RTL10: variants seen among roughly 807,000 people sequenced by gnomAD.
RTL10 encodes retrotransposon Gag like 10.
For missense variants in RTL10, 477 were observed against 470.7 expected (o/e 1.01, Z -0.12); for synonymous variants, 199 against 188.4 (o/e 1.06, Z -0.46).
Position 19,850,514 on chromosome 22 carries a change from G to A in RTL10, c.*653C>T. The A allele has an allele frequency of 1.9e-6, 2 of 1,060,340 alleles. No homozygotes were observed. The highest frequency in any genetic ancestry group is 2.3e-6 in the Non-Finnish European group (2 of 878,804). 65.7% of individuals were successfully genotyped at this position (1,060,340 alleles called of 1,614,324 possible). A position where few individuals can be genotyped will look rare whatever the true frequency, so the allele number is the denominator to read the frequency against. On this transcript the variant is annotated 3_prime_UTR_variant, in exon 3 of 3. Coordinates refer to ENST00000328554, the MANE Select transcript of RTL10 (RefSeq NM_024627.6). ...GGGCGAATGCCTGCAGCTGAGCCTG[G>A]CAAGGGGCTTGCATCCCACCTTCCT...
chr22:19,852,318 G>A lies in RTL10; in HGVS notation c.-57C>T, dbSNP rs1381944405. 2.6e-6 allele frequency: 4 copies of A among 1,541,328 alleles called. No homozygotes were observed. The highest frequency in any genetic ancestry group is 1.8e-5 in the Admixed American group (1 of 54,752). On this transcript the variant is annotated 5_prime_UTR_variant, in exon 3 of 3. Coordinates refer to ENST00000328554, the MANE Select transcript of RTL10 (RefSeq NM_024627.6). ...CAGCACTGGTGGGTGGTGGGGGTGT[G>A]GACAGATGTGGCTTGCACGACACAA...
In RTL10 at chr22:19,851,459, T is replaced by C. The variant is rs767842472; in HGVS notation, c.803A>G (p.Lys268Arg). 1.2e-6 allele frequency: 2 copies of C among 1,614,058 alleles called. No homozygotes were observed. The highest frequency in any genetic ancestry group is 1.7e-6 in the Non-Finnish European group (2 of 1,180,002). ...QLTKESTPGPKEPPVLPSSTC... is the reference protein window; with the variant it reads ...QLTKESTPGPREPPVLPSSTC... ...AGAACTGGGCAGGACTGGGGGCTCC[T>C]TGGGCCCAGGGGTGCTCTCCTTGGT... Residue 268 changes from lysine (K) to arginine (R), a missense_variant, in exon 3 of 3, where the codon AAG becomes AGG. Physicochemically the swap from Lys to Arg is conservative, Grantham distance 26 (BLOSUM62 2). Coordinates refer to ENST00000328554, the MANE Select transcript of RTL10 (RefSeq NM_024627.6).
chr22:19,851,753 A>G lies in RTL10; in HGVS notation c.509T>C (p.Leu170Pro). ...AACTTCCTTGAGATCCTGGCAGAAG[A>G]GCTCGTAATCGTCAGGCAGGGGCAG... The part of the protein sequence containing the change: ...GDLPLPDDYE[L>P]FCQDLKEVVQ... Residue 170 changes from leucine to proline, a missense_variant, in exon 3 of 3, where the codon CTC becomes CCC. Coordinates refer to ENST00000328554, the MANE Select transcript of RTL10 (RefSeq NM_024627.6). 1.2e-6 allele frequency: 2 copies of G among 1,609,634 alleles called. No homozygotes were observed. Among genetic ancestry groups the G allele is most frequent in the Admixed American group, 1.7e-5 (1 of 59,816 alleles).
Position 19,852,398 on chromosome 22 carries a change from G to T in RTL10, c.-137C>A. ...CAGACCCGCACTGGTCCAGGCAAGT[G>T]CTGAGGATCAGGGAGCTGACAGCTG... On this transcript the variant is annotated 5_prime_UTR_variant, in exon 3 of 3. Transcript: ENST00000328554. 1 of 914,878 alleles carries T rather than the reference G, an allele frequency of 1.1e-6. No homozygotes were observed. The allele number at this position is 914,878 out of a possible 1,614,324, so 56.7% of individuals were successfully genotyped here. A position where few individuals can be genotyped will look rare whatever the true frequency, so the allele number is the denominator to read the frequency against.
rs200365592 is a variant in RTL10, at chr22:19,851,763, C to T, written c.499G>A (p.Asp167Asn). The T allele has an allele frequency of 4.1e-5, 66 of 1,611,178 alleles. No individual in the cohort carries two copies. In the East Asian group the frequency reaches 1.2e-3, roughly 28 times the overall value. Reference protein sequence around the residue: ...YLDGDLPLPDDYELFCQDLKE... With the variant: ...YLDGDLPLPDNYELFCQDLKE... ...AGATCCTGGCAGAAGAGCTCGTAAT[C>T]GTCAGGCAGGGGCAGGTCCCCATCA... The change falls in exon 3 of 3, where the codon GAT (aspartate) becomes AAT (asparagine). Residue 167 changes from aspartate to asparagine, a missense_variant. By Grantham distance (23) the Asp-to-Asn change is conservative. Coordinates refer to ENST00000328554, the MANE Select transcript of RTL10 (RefSeq NM_024627.6).
At chr22:19,852,890 A>G (rs11704083) in intron 2 of RTL10, among the ~76,000 whole-genome samples, 82,695 of 151,982 alleles carry the variant, frequency 0.54, 24,222 homozygotes, top group African/African-American at 0.78. Context: ...GGAAGCAGCA[A>G]AAACTGGCTG....
Position 19,846,293 on chromosome 22 carries a change from T to A in RTL10, c.*4874A>T, listed in dbSNP as rs1043845774. 8 of 433,216 alleles carry A rather than the reference T, an allele frequency of 1.8e-5. No individual in the cohort carries two copies. Among genetic ancestry groups the A allele is most frequent in the African/African-American group, 1.7e-4 (8 of 47,094 alleles). The allele number at this position is 433,216 out of a possible 1,614,324, so 26.8% of individuals were successfully genotyped here. A position where few individuals can be genotyped will look rare whatever the true frequency, so the allele number is the denominator to read the frequency against. On this transcript the variant is annotated 3_prime_UTR_variant, in exon 3 of 3. Transcript: ENST00000328554. ...TTACAGGTGGACTCAAGGTTGAATG[T>A]CAAAGGCAGAAAGTTACAACCTGGG...
In RTL10 at chr22:19,849,866, G is replaced by A. The variant is rs186382221; in HGVS notation, c.*1301C>T. 21 of 985,420 alleles carry A rather than the reference G, an allele frequency of 2.1e-5. No individual in the cohort carries two copies. The African/African-American group carries it at 2.4e-4, about 11-fold the overall frequency. 61.0% of individuals were successfully genotyped at this position (985,420 alleles called of 1,614,324 possible). On this transcript the variant is annotated 3_prime_UTR_variant, in exon 3 of 3. Coordinates refer to ENST00000328554, the MANE Select transcript of RTL10 (RefSeq NM_024627.6). ...TGGGCACACACTGCACACACTGGGCGGCTGTACCTGCCTATCCTGTGGTAA... is the reference window on the plus strand; with the variant it reads ...TGGGCACACACTGCACACACTGGGCAGCTGTACCTGCCTATCCTGTGGTAA...
Position 19,846,339 on chromosome 22 carries a change from T to C in RTL10, c.*4828A>G. The C allele has an allele frequency of 1.2e-6, 1 of 811,726 alleles. No homozygotes were observed. Among genetic ancestry groups the C allele is most frequent in the Non-Finnish European group, 1.5e-6 (1 of 670,796 alleles). 50.3% of individuals were successfully genotyped at this position (811,726 alleles called of 1,614,324 possible). ...CTGGGAATACAGGATAATGCCTTTG[T>C]ACCCCCCAGGTAGGGAAAGATTTCT... On this transcript the variant is annotated 3_prime_UTR_variant, in exon 3 of 3. Coordinates refer to ENST00000328554, the MANE Select transcript of RTL10 (RefSeq NM_024627.6).
chr22:19,852,703 A>G (rs375408673), intron 2 of RTL10, among the ~76,000 whole-genome samples: 2 of 152,338 alleles, frequency 1.3e-5, no homozygotes, highest in African/African-American at 4.8e-5. Flanking sequence ...TGTCAATTTC[A>G]GAAGAAAAGG....
Position 19,848,255 on chromosome 22 carries a change from T to C in RTL10, c.*2912A>G, listed in dbSNP as rs2145903241. Reference sequence around the variant, plus strand: ...CAAGGGAAGTGAAGGACTGACACCATGATTAGAAAGCAGAGCCAGCACCAT... The same window carrying C: ...CAAGGGAAGTGAAGGACTGACACCACGATTAGAAAGCAGAGCCAGCACCAT... On this transcript the variant is annotated 3_prime_UTR_variant, in exon 3 of 3. Transcript: ENST00000328554. 1.0e-6 allele frequency: 1 copy of C among 985,274 alleles called. No homozygotes were observed. Among genetic ancestry groups the C allele is most frequent in the African/African-American group, 1.7e-5 (1 of 57,308 alleles). 61.0% of individuals were successfully genotyped at this position (985,274 alleles called of 1,614,324 possible).
At position 19,851,645 on chromosome 22, in the gene RTL10, G is replaced by A. The variant is rs747590171; in HGVS notation, c.617C>T (p.Ala206Val). The A allele has an allele frequency of 5.6e-6, 9 of 1,593,730 alleles. No homozygotes were observed. In the African/African-American group the frequency reaches 8.1e-5, roughly 14 times the overall value. The part of the protein sequence containing the change: ...LPLASSQLPV[A>V]PQLPVVRQYL... ...TTGCCTCACCACAGGCAGCTGAGGG[G>A]CCACTGGCAGCTGGCTGGAGGCCAG... The change falls in exon 3 of 3, where the codon GCC becomes GTC. Residue 206 changes from alanine (A) to valine (V), a missense_variant. Physicochemically the swap from Ala to Val is moderately conservative, Grantham distance 64. Coordinates refer to ENST00000328554, the MANE Select transcript of RTL10 (RefSeq NM_024627.6).
Position 19,848,143 on chromosome 22 carries a change from A to G in RTL10, c.*3024T>C, listed in dbSNP as rs989259341. Reference sequence around the variant, plus strand: ...TTATCCTTAGTACTTCCTATTTTAAAGTTTTCCTTGCAGACAGGTACTTTA... The same window carrying G: ...TTATCCTTAGTACTTCCTATTTTAAGGTTTTCCTTGCAGACAGGTACTTTA... On this transcript the variant is annotated 3_prime_UTR_variant, in exon 3 of 3. Coordinates refer to ENST00000328554, the MANE Select transcript of RTL10 (RefSeq NM_024627.6). 1.1e-5 allele frequency: 11 copies of G among 984,992 alleles called. No individual in the cohort carries two copies. The African/African-American group carries it at 1.8e-4, about 16-fold the overall frequency. The allele number at this position is 984,992 out of a possible 1,614,324, so 61.0% of individuals were successfully genotyped here.
chr22:19,851,366 G>A lies in RTL10; in HGVS notation c.896C>T (p.Pro299Leu), dbSNP rs955702207. ...SSQPEEAAPTPVPRLSESANP... is the reference protein window; with the variant it reads ...SSQPEEAAPTLVPRLSESANP... ...AGCTGACTCCGACAGTCTAGGGACAGGTGTGGGGGCTGCCTCCTCTGGCTG... is the reference window on the plus strand; with the variant it reads ...AGCTGACTCCGACAGTCTAGGGACAAGTGTGGGGGCTGCCTCCTCTGGCTG... The change falls in exon 3 of 3, where the codon CCT becomes CTT. Residue 299 changes from proline to leucine, a missense_variant. Physicochemically the swap from Pro to Leu is moderately conservative, Grantham distance 98 (BLOSUM62 -3). Coordinates refer to ENST00000328554, the MANE Select transcript of RTL10 (RefSeq NM_024627.6). The A allele has an allele frequency of 5.0e-6, 8 of 1,614,046 alleles. No homozygotes were observed. Among genetic ancestry groups the A allele is most frequent in the Non-Finnish European group, 5.9e-6 (7 of 1,180,032 alleles).
chr22:19,851,812 G>A lies in RTL10; in HGVS notation c.450C>T (p.Ala150=). ...CAAGGTAGGGGGCTGCCCAGGCCTG[G>A]GCTCGGCCTGTTAGGCGCCTGAGGA... ...CEILRRLTGR[A]QAWAAPYLDG... The change falls in exon 3 of 3, where the codon GCC becomes GCT. Residue 150 remains alanine (A), a synonymous_variant. Coordinates refer to ENST00000328554, the MANE Select transcript of RTL10 (RefSeq NM_024627.6). 6.2e-7 allele frequency: 1 copy of A among 1,613,994 alleles called. No homozygotes were observed. Among genetic ancestry groups the A allele is most frequent in the Non-Finnish European group, 8.5e-7 (1 of 1,179,998 alleles).
At position 19,851,451 on chromosome 22, in the gene RTL10, G is replaced by A. The variant is rs751181807; in HGVS notation, c.811C>T (p.Pro271Ser). Residue 271 changes from proline (P) to serine (S), a missense_variant, in exon 3 of 3, where the codon CCA becomes TCA. Pro to Ser is a moderately conservative substitution (Grantham distance 74, BLOSUM62 -1). Transcript: ENST00000328554. The stretch of plus-strand genomic sequence containing the variant: ...CTACATGTAGAACTGGGCAGGACTG[G>A]GGGCTCCTTGGGCCCAGGGGTGCTC... ...KESTPGPKEP[P>S]VLPSSTCSSK... The A allele has an allele frequency of 3.7e-6, 6 of 1,613,964 alleles. No homozygotes were observed. Among genetic ancestry groups the A allele is most frequent in the Non-Finnish European group, 5.1e-6 (6 of 1,180,020 alleles).
chr22:19,847,667 C>G lies in RTL10; in HGVS notation c.*3500G>C. Reference sequence around the variant, plus strand: ...CCTTCATGCACCTAGCAAGTAGTCACAGCATGCATGTGCCTAGAATTGTTA... The same window carrying G: ...CCTTCATGCACCTAGCAAGTAGTCAGAGCATGCATGTGCCTAGAATTGTTA... On this transcript the variant is annotated 3_prime_UTR_variant, in exon 3 of 3. Transcript: ENST00000328554. The G allele has an allele frequency of 8.1e-6, 8 of 985,150 alleles. No individual in the cohort carries two copies. Among genetic ancestry groups the G allele is most frequent in the Non-Finnish European group, 9.6e-6 (8 of 829,742 alleles). The allele number at this position is 985,150 out of a possible 1,614,324, so 61.0% of individuals were successfully genotyped here.
chr22:19,851,803 C>T lies in RTL10; in HGVS notation c.459G>A (p.Trp153Ter), dbSNP rs1264958900. 4.3e-6 allele frequency: 7 copies of T among 1,613,962 alleles called. No individual in the cohort carries two copies. In the Admixed American group the frequency reaches 1.0e-4, roughly 23 times the overall value. Residue 153 changes from tryptophan to a stop codon, truncating the protein, a stop_gained, in exon 3 of 3, where the codon TGG (tryptophan) becomes TGA (stop). Coordinates refer to ENST00000328554, the MANE Select transcript of RTL10 (RefSeq NM_024627.6). LOFTEE classifies it low-confidence loss of function (END_TRUNC). The stretch of plus-strand genomic sequence containing the variant: ...GGTCCCCATCAAGGTAGGGGGCTGC[C>T]CAGGCCTGGGCTCGGCCTGTTAGGC... ...LRRLTGRAQAWAAPYLDGDLP... is the reference protein window; with the variant it reads ...LRRLTGRAQA
intron 2 of RTL10, among the ~76,000 whole-genome samples, chr22:19,853,345 G>A (rs1321272558): frequency 1.3e-5 from 2 of 152,044 alleles, no homozygotes; most frequent in Non-Finnish European, 2.9e-5. Flanking sequence ...CCTTCTCCAC[G>A]CAGCAGTCAC....
Sources: allele counts gnomAD v4.1 joint callset (sites outside exome capture counted in the v4.1 genomes callset), GRCh38; gene constraint gnomAD v4.1.1; transcripts MANE v1.5; gene names NCBI Gene and HGNC (gene_info 2026-07-23, HGNC 2026-07-21).